The following SORBS2 variants were observed in gnomAD, a reference collection of about 807,000 sequenced individuals.
SORBS2 encodes the protein sorbin and SH3 domain containing 2.
A neutral mutation model predicts 97.7 loss-of-function variants in SORBS2; 46 were observed. The ratio of observed to expected loss-of-function variants is 0.47; its 90% CI spans 0.37 to 0.60. The LOEUF (loss-of-function observed/expected upper bound fraction) is 0.60, where lower values mean the gene tolerates loss of function less well. Ranked by LOEUF, SORBS2 falls within the 20% of genes least tolerant of loss-of-function variation. The probability of loss-of-function intolerance (pLI) is 0.00; values close to 1 mark genes in which losing one functional copy is unlikely to be tolerated. For synonymous variants in SORBS2, 476 were observed against 473.4 expected, an observed-to-expected ratio of 1.01 and a Z score of -0.07; for missense variants, 1,316 against 1,282.3, an observed-to-expected ratio of 1.03 and a Z score of -0.40.
At chr4:185,705,564 A>C (rs2098331321) in intron 2 of SORBS2, among the ~76,000 whole-genome samples, 1 of 152,156 alleles carries the variant, frequency 6.6e-6, no homozygotes, top group East Asian at 1.9e-4. Context: ...ATATAAAATC[A>C]AAAATAAAAA....
rs556766698 is a variant in SORBS2 at position 185,876,475 on chromosome 4, A to G, written c.-338+79721T>C. Among the ~76,000 whole-genome samples the G allele has an allele frequency of 7.2e-5, 11 of 152,332 alleles. 3 individuals carry two copies. The highest frequency in any genetic ancestry group is 2.4e-4 in the African/African-American group (10 of 41,580). On this transcript the variant is annotated intron_variant, in intron 1 of 20. Coordinates refer to the SORBS2 transcript ENST00000284776. ...CCTCACCCCCAAAATGGGATTTACT[A>G]ATGTATACTTCCACCAAGACTGGAA...
At chr4:185,627,118 C>G in intron 5 of SORBS2, 99 bp from the exon 18 acceptor site, 1 of 952,704 alleles carries the variant, frequency 1.0e-6, no homozygotes, top group East Asian at 2.4e-5. Flanking sequence ...GGCGTAACTC[C>G]TAAACCTCTA....
chr4:185,612,083 G>T lies in SORBS2; in HGVS notation c.2596-103C>A, dbSNP rs1561402111. On this transcript the variant is annotated intron_variant, in intron 11 of 14. Transcript: ENST00000418609. ...AAAAAATAGGTTTCCATTTGGGCAG[G>T]TTTTATACCTTCAGTTTTTGTTTAA... 2.0e-5 allele frequency: 17 copies of T among 839,446 alleles called. 1 individual carries two copies. Among genetic ancestry groups the T allele is most frequent in the Non-Finnish European group, 2.2e-5 (12 of 538,140 alleles). The allele number at this position is 839,446 out of a possible 1,614,324, so 52.0% of individuals were successfully genotyped here.
At chr4:185,754,748 G>T (rs1037244591) in intron 2 of SORBS2, among the ~76,000 whole-genome samples, 2 of 152,198 alleles carry the variant, frequency 1.3e-5, no homozygotes, top group Non-Finnish European at 2.9e-5. Flanking sequence ...GCTCCTTGCA[G>T]CTATTACTCC....
chr4:185,867,698 A>T (rs539069889), intron 1 of SORBS2, among the ~76,000 whole-genome samples: 1 of 152,228 alleles, frequency 6.6e-6, no homozygotes, highest in South Asian at 2.1e-4. Context: ...AGGTCCTGAC[A>T]CCGGTCTAGG....
intron 14 of SORBS2, among the ~76,000 whole-genome samples, chr4:185,588,587 T>TCTCCTTCCTCCTCCTCCCCCCTCCTCCTC (rs138160304): frequency 8.1e-6 from 1 of 122,858 alleles, no homozygotes; most frequent in Admixed American, 8.5e-5. Flanking sequence ...ATTTTACGTT[T>TCTCCTTCCTCCTCCTCCCCCCTCCTCCTC]CTCCTCCCTC....
chr4:185,785,204 T>C (rs1215688407), intron 1 of SORBS2, among the ~76,000 whole-genome samples: 2 of 119,868 alleles, frequency 1.7e-5, no homozygotes, highest in Non-Finnish European at 3.6e-5. Context: ...CCATAAGGTA[T>C]TGACTTTGAG....
intron 1 of SORBS2, among the ~76,000 whole-genome samples, chr4:185,907,631 T>A (rs1220489321): frequency 6.6e-6 from 1 of 152,212 alleles, no homozygotes; most frequent in Non-Finnish European, 1.5e-5. Context: ...ATAATGTGAT[T>A]TTAGTTTCCG....
intron 1 of SORBS2, among the ~76,000 whole-genome samples, chr4:185,918,911 A>T (rs4541561): frequency 6.6e-6 from 1 of 152,248 alleles, no homozygotes; most frequent in Non-Finnish European, 1.5e-5. Flanking sequence ...AATGATCTGT[A>T]TAATATATAC....
rs372565455 is a variant in SORBS2, at chr4:185,879,005, TTTTG to T, written c.-338+77187_-338+77190del. On this transcript the variant is annotated intron_variant, in intron 1 of 20. Coordinates refer to the SORBS2 transcript ENST00000284776. ...CTTTCTATCCGTTACTCGGCTTTGT[TTTTG>T]TTTGTTTGTTTGTTTGTTTTTAATT... Among the ~76,000 whole-genome samples the T allele has an allele frequency of 1.9e-3, 288 of 152,192 alleles. 2 individuals are homozygous for T. The highest frequency in any genetic ancestry group is 4.7e-3 in the African/African-American group (197 of 41,534).
chr4:185,779,827 G>A (rs904275113), intron 1 of SORBS2, among the ~76,000 whole-genome samples: 8 of 152,036 alleles, frequency 5.3e-5, no homozygotes, highest in Non-Finnish European at 7.4e-5. Flanking sequence ...TAGTGCTTAG[G>A]GCGAGGCAGC....
chr4:185,949,342 C>T (rs1304136902), intron 1 of SORBS2, among the ~76,000 whole-genome samples: 1 of 152,136 alleles, frequency 6.6e-6, no homozygotes, highest in Non-Finnish European at 1.5e-5. Flanking sequence ...TAATTGTTTC[C>T]AACTTTGTCA....
chr4:185,901,364 G>A (rs1432214403), intron 1 of SORBS2, among the ~76,000 whole-genome samples: 2 of 151,946 alleles, frequency 1.3e-5, no homozygotes, highest in Admixed American at 6.6e-5. Context: ...CACCACGGTC[G>A]GCTAATTTTT....
intron 1 of SORBS2, among the ~76,000 whole-genome samples, chr4:185,882,125 C>A (rs1175333841): frequency 6.6e-6 from 1 of 151,970 alleles, no homozygotes; most frequent in Non-Finnish European, 1.5e-5. Context: ...GAAAAAGAAA[C>A]AACAGTCATA....
intron 4 of SORBS2, chr4:185,675,043 C>A (rs1398900716): frequency 2.0e-5 from 3 of 152,170 alleles, no homozygotes; most frequent in Non-Finnish European, 4.4e-5. Context: ...ATAGGTTAGG[C>A]ACCCAATAAA....
chr4:185,886,554 C>CAAAAAAAAAAAAAAAAAGAAAAAA (rs2099239643), intron 1 of SORBS2, among the ~76,000 whole-genome samples: 1 of 72,950 alleles, frequency 1.4e-5, no homozygotes, highest in Non-Finnish European at 2.6e-5. Context: ...GACTCTGTCT[C>CAAAAAAAAAAAAAAAAAGAAAAAA]AAAAAAAAAA....
intron 6 of SORBS2, among the ~76,000 whole-genome samples, chr4:185,624,973 C>T (rs1448284286): frequency 6.6e-6 from 1 of 152,190 alleles, no homozygotes; most frequent in African/African-American, 2.4e-5. Context: ...AGGGTTTATA[C>T]ATTTACATCG....
At chr4:185,736,802 A>T (rs2098690612) in intron 2 of SORBS2, among the ~76,000 whole-genome samples, 1 of 152,126 alleles carries the variant, frequency 6.6e-6, no homozygotes, top group Non-Finnish European at 1.5e-5. Flanking sequence ...TCCACACAAC[A>T]TCCCACCCTC....
intron 1 of SORBS2, among the ~76,000 whole-genome samples, chr4:185,840,857 C>T (rs1282498244): frequency 6.6e-6 from 1 of 151,954 alleles, no homozygotes; most frequent in Non-Finnish European, 1.5e-5. Context: ...CATAGACTGA[C>T]TCATATCATC....
Sources: gnomAD v4.1 joint callset for allele counts (sites outside exome capture counted in the v4.1 genomes callset) on GRCh38, gnomAD v4.1.1 for gene constraint, MANE v1.5 for transcripts, NCBI Gene and HGNC (gene_info 2026-07-23, HGNC 2026-07-21) for gene names.